Variants in TMEM232 observed in about 807,000 individuals in gnomAD.
TMEM232 encodes transmembrane protein 232.
In TMEM232, 80 loss-of-function variants were observed where a neutral mutation model predicts 78.8. The observed-to-expected ratio is 1.01, with a 90% CI of 0.85 to 1.22. The LOEUF is 1.22. Ranked by LOEUF, TMEM232 falls within the 50% of genes most tolerant of loss-of-function variation. The probability of loss-of-function intolerance (pLI) is 0.00; values close to 1 mark genes in which losing one functional copy is unlikely to be tolerated. For synonymous variants in TMEM232, 297 were observed against 254.3 expected, an observed-to-expected ratio of 1.17 and a Z score of -1.60; for missense variants, 881 against 742.2, an observed-to-expected ratio of 1.19 and a Z score of -2.17.
In TMEM232 at chr5:110,509,707, A is replaced by ATAAG. The variant is rs377075046; in HGVS notation, c.1703+18877_1703+18880dup. Among the ~76,000 whole-genome samples the ATAAG allele has an allele frequency of 2.7e-3, 404 of 152,240 alleles. 3 individuals are homozygous for ATAAG. Among genetic ancestry groups the ATAAG allele is most frequent in the African/African-American group, 9.5e-3 (393 of 41,552 alleles). On this transcript the variant is annotated intron_variant, in intron 12 of 13. Coordinates refer to ENST00000455884, the MANE Select transcript of TMEM232 (RefSeq NM_001039763.4). ...AAAAATGTTTTATTAGGTTTCTACT[A>ATAAG]TAAGTTCTTTAGAAATATCGTACAC... is the stretch of plus-strand genomic sequence containing the variant.
intron 2 of TMEM232, among the ~76,000 whole-genome samples, chr5:110,644,058 C>A (rs898072229): frequency 4.0e-5 from 6 of 151,826 alleles, no homozygotes; most frequent in African/African-American, 1.4e-4. Flanking sequence ...ACAAATAATC[C>A]AGCCTTAGTG....
intron 12 of TMEM232, among the ~76,000 whole-genome samples, chr5:110,426,267 A>G (rs755151350): frequency 6.6e-6 from 1 of 151,980 alleles, no homozygotes; most frequent in African/African-American, 2.4e-5. Context: ...TTTTACATTT[A>G]TCATGTCCCT....
chr5:110,700,278 AG>A (rs1395875622), intron 1 of TMEM232, among the ~76,000 whole-genome samples: 3 of 152,228 alleles, frequency 2.0e-5, no homozygotes, highest in East Asian at 3.9e-4. Context: ...GAATGAATGA[AG>A]ACAGTCTAAG....
intron 4 of TMEM232, among the ~76,000 whole-genome samples, chr5:110,638,645 C>T (rs1159504698): frequency 6.6e-6 from 1 of 151,980 alleles, no homozygotes; most frequent in Non-Finnish European, 1.5e-5. Flanking sequence ...CCACCTGGAT[C>T]TCTCTCTCTC....
At chr5:110,580,858 GA>G (rs1778128165) in intron 10 of TMEM232, among the ~76,000 whole-genome samples, 1 of 151,344 alleles carries the variant, frequency 6.6e-6, no homozygotes, top group Admixed American at 6.6e-5. Context: ...ACAGTGGAAT[GA>G]AACTACCAAC....
chr5:110,524,012 C>A lies in TMEM232; in HGVS notation c.1703+4576G>T, dbSNP rs1328993387. ...GGGCCTGGTGGCTCACGCCTGTAAT[C>A]CCAACAGTTTGGGAGGCTGAGGCGG... On this transcript the variant is annotated intron_variant, in intron 12 of 13. Transcript: ENST00000455884. 5.5e-5 allele frequency among the ~76,000 whole-genome samples: 8 copies of A among 146,610 alleles called. No homozygotes were observed. In the South Asian group the frequency reaches 1.5e-3, roughly 28 times the overall value.
At chr5:110,660,629 A>T (rs956339106) in intron 2 of TMEM232, among the ~76,000 whole-genome samples, 2 of 152,156 alleles carry the variant, frequency 1.3e-5, no homozygotes, top group Non-Finnish European at 2.9e-5. Flanking sequence ...TTGACAAAAA[A>T]TATTATACTT....
chr5:110,438,803 A>G (rs1758712116), intron 12 of TMEM232, among the ~76,000 whole-genome samples: 1 of 152,120 alleles, frequency 6.6e-6, no homozygotes, highest in African/African-American at 2.4e-5. Context: ...ATTCTTCGGT[A>G]GTATTTCTCC....
chr5:110,392,288 C>A (rs1268013409), intron 3 of TMEM232, among the ~76,000 whole-genome samples: 3 of 152,084 alleles, frequency 2.0e-5, no homozygotes, highest in Non-Finnish European at 2.9e-5. Flanking sequence ...GAGTCAAAAC[C>A]TTGGTAAAAG....
chr5:110,522,086 A>G (rs924786546), intron 12 of TMEM232, among the ~76,000 whole-genome samples: 1 of 152,156 alleles, frequency 6.6e-6, no homozygotes, highest in Non-Finnish European at 1.5e-5. Flanking sequence ...TCATTTATGT[A>G]TTCTTTATTT....
intron 11 of TMEM232, among the ~76,000 whole-genome samples, chr5:110,530,032 T>C (rs969502764): frequency 6.6e-6 from 1 of 152,208 alleles, no homozygotes. Flanking sequence ...TTCATATCAA[T>C]CTTGCGATAG....
At chr5:110,586,370 C>T (rs1412486732) in intron 10 of TMEM232, among the ~76,000 whole-genome samples, 4 of 151,956 alleles carry the variant, frequency 2.6e-5, no homozygotes, top group African/African-American at 9.7e-5. Flanking sequence ...GTACTGTGCT[C>T]TATTTTCTCC....
At chr5:110,713,965 T>C (rs1017954803) in intron 1 of TMEM232, among the ~76,000 whole-genome samples, 2 of 152,204 alleles carry the variant, frequency 1.3e-5, no homozygotes, top group Non-Finnish European at 2.9e-5. Context: ...TCAGGTGGTC[T>C]TTAATGGTCA....
intron 1 of TMEM232, among the ~76,000 whole-genome samples, chr5:110,681,333 G>A (rs1792725726): frequency 6.6e-6 from 1 of 152,174 alleles, no homozygotes; most frequent in Admixed American, 6.5e-5. Context: ...TCCGGGAGGA[G>A]CAGGGCAGCA....
chr5:110,644,929 A>G (rs960675498), intron 2 of TMEM232, among the ~76,000 whole-genome samples: 7 of 151,770 alleles, frequency 4.6e-5, no homozygotes, highest in African/African-American at 1.7e-4. Context: ...GATGCCTCAG[A>G]AACATAAGAA....
intron 11 of TMEM232, among the ~76,000 whole-genome samples, chr5:110,559,707 G>A (rs1037131222): frequency 3.4e-4 from 52 of 152,226 alleles, no homozygotes; most frequent in South Asian, 6.2e-4. Flanking sequence ...TTAGTTCCTG[G>A]TGTTATGAGA....
chr5:110,557,112 G>C (rs551423895), intron 11 of TMEM232, among the ~76,000 whole-genome samples: 9 of 152,118 alleles, frequency 5.9e-5, no homozygotes, highest in African/African-American at 1.9e-4. Context: ...GAGTTGACTT[G>C]AAGAACTCGT....
intron 5 of TMEM232, among the ~76,000 whole-genome samples, chr5:110,635,955 C>A (rs1346771550): frequency 6.6e-6 from 1 of 151,858 alleles, no homozygotes; most frequent in Non-Finnish European, 1.5e-5. Flanking sequence ...TATAGGAATA[C>A]CTGCACTCTC....
intron 11 of TMEM232, among the ~76,000 whole-genome samples, chr5:110,563,967 ATTG>A (rs1658648035): frequency 1.3e-5 from 2 of 151,982 alleles, no homozygotes; most frequent in Admixed American, 6.6e-5. Context: ...GTTATTCCAA[ATTG>A]TACTTATGGT....
Sources: gnomAD v4.1 joint callset for allele counts (sites outside exome capture counted in the v4.1 genomes callset) on GRCh38, gnomAD v4.1.1 for gene constraint, MANE v1.5 for transcripts, NCBI Gene and HGNC (gene_info 2026-07-23, HGNC 2026-07-21) for gene names.